EIF3H: variants seen among roughly 807,000 people sequenced by gnomAD.
EIF3H encodes eIF-3-gamma.
In EIF3H, 26 loss-of-function variants were observed where a neutral mutation model predicts 44.2. That is an observed-to-expected ratio of 0.59 (90% CI 0.43 to 0.82). EIF3H has a LOEUF of 0.82. Ranked by LOEUF, EIF3H falls within the 40% of genes least tolerant of loss-of-function variation. The pLI is 0.00. For synonymous variants in EIF3H, 166 were observed against 151.9 expected, an observed-to-expected ratio of 1.09 and a Z score of -0.68; for missense variants, 359 against 432.8, an observed-to-expected ratio of 0.83 and a Z score of 1.51.
chr8:116,732,863 T>C (rs1173175295), intron 1 of EIF3H, among the ~76,000 whole-genome samples: 1 of 152,226 alleles, frequency 6.6e-6, no homozygotes, highest in Admixed American at 6.5e-5. Context: ...GTGTGGGTTC[T>C]TTCTATACCA....
chr8:116,755,831 A>C (rs370527724), upstream of EIF3H: 3 of 1,608,266 alleles, frequency 1.9e-6, no homozygotes, highest in Non-Finnish European at 2.5e-6. Flanking sequence ...GAGAAACGTG[A>C]GTTACCGGAA....
chr8:116,653,501 T>C (rs891851948), intron 5 of EIF3H, among the ~76,000 whole-genome samples: 4 of 152,284 alleles, frequency 2.6e-5, no homozygotes, highest in Non-Finnish European at 2.9e-5. Context: ...CAGGGACTTA[T>C]TGTTAGGAGT....
chr8:116,654,033 A>T (rs539143112), intron 5 of EIF3H, among the ~76,000 whole-genome samples: 45 of 152,350 alleles, frequency 3.0e-4, no homozygotes, highest in African/African-American at 1.1e-3. Context: ...CAGAAATTAA[A>T]AATTGAGATG....
intron 2 of EIF3H, among the ~76,000 whole-genome samples, chr8:116,719,238 G>A (rs1000871742): frequency 6.6e-6 from 1 of 151,990 alleles, no homozygotes. Flanking sequence ...CATAATAATG[G>A]GCCCTTTAAT....
At chr8:116,754,139 A>C (rs1815403132) in intron 1 of EIF3H, among the ~76,000 whole-genome samples, 1 of 151,188 alleles carries the variant, frequency 6.6e-6, no homozygotes, top group Non-Finnish European at 1.5e-5. Context: ...TTTTGGACGG[A>C]GGCTCGCTCT....
intron 2 of EIF3H, among the ~76,000 whole-genome samples, chr8:116,708,315 TTTA>T (rs1352599250): frequency 6.6e-6 from 1 of 151,998 alleles, no homozygotes; most frequent in Non-Finnish European, 1.5e-5. Flanking sequence ...ATTATTATTA[TTTA>T]TTATTACTAT....
At chr8:116,765,058 T>A (rs555816521) in intron 1 of EIF3H, among the ~76,000 whole-genome samples, 1 of 152,320 alleles carries the variant, frequency 6.6e-6, no homozygotes, top group South Asian at 2.1e-4. Context: ...TCTGAGGCTA[T>A]TTAAGAAAAA....
intron 4 of EIF3H, among the ~76,000 whole-genome samples, chr8:116,656,360 G>C (rs1293693882): frequency 6.6e-6 from 1 of 152,102 alleles, no homozygotes; most frequent in East Asian, 1.9e-4. Flanking sequence ...ATTTAAAATA[G>C]CTAGAAATGA....
chr8:116,739,501 T>G (rs928024071), intron 1 of EIF3H, among the ~76,000 whole-genome samples: 1 of 152,078 alleles, frequency 6.6e-6, no homozygotes, highest in Non-Finnish European at 1.5e-5. Context: ...ATACAAAAAA[T>G]TAGCCGGGCG....
chr8:116,660,138 A>G (rs1813561867), intron 2 of EIF3H, among the ~76,000 whole-genome samples: 1 of 152,106 alleles, frequency 6.6e-6, no homozygotes, highest in Non-Finnish European at 1.5e-5. Flanking sequence ...GAATCCACCC[A>G]CCTCGGCCTC....
At chr8:116,747,620 T>G (rs1292752335) in intron 1 of EIF3H, among the ~76,000 whole-genome samples, 1 of 152,290 alleles carries the variant, frequency 6.6e-6, no homozygotes, top group African/African-American at 2.4e-5. Flanking sequence ...TATAATTTTT[T>G]TTGTTGTTAA....
chr8:116,756,356 G>C (rs967288622), upstream of EIF3H, among the ~76,000 whole-genome samples: 1 of 152,174 alleles, frequency 6.6e-6, no homozygotes, highest in Middle Eastern at 3.2e-3. Context: ...TTTGCTATTA[G>C]CTTCATGTAG....
chr8:116,732,106 G>T (rs1026109360), intron 1 of EIF3H, among the ~76,000 whole-genome samples: 10 of 152,082 alleles, frequency 6.6e-5, no homozygotes, highest in African/African-American at 2.4e-4. Context: ...AAATTACCCT[G>T]CAGGGAACAG....
At chr8:116,753,404 T>G (rs774149868) in intron 1 of EIF3H, among the ~76,000 whole-genome samples, 12 of 152,218 alleles carry the variant, frequency 7.9e-5, no homozygotes, top group African/African-American at 2.7e-4. Context: ...CTTCTGATTT[T>G]TTTTATTCGA....
At chr8:116,728,865 CACT>C (rs565299053) in intron 1 of EIF3H, among the ~76,000 whole-genome samples, 359 of 152,242 alleles carry the variant, frequency 2.4e-3, no homozygotes, top group Non-Finnish European at 3.4e-3. Context: ...GCATTACTGA[CACT>C]ACTAAAAATG....
chr8:116,715,175 T>C (rs1814641303), intron 2 of EIF3H, among the ~76,000 whole-genome samples: 1 of 152,100 alleles, frequency 6.6e-6, no homozygotes, highest in Non-Finnish European at 1.5e-5. Context: ...GTTTTGTCAA[T>C]TCATATTTTA....
intron 1 of EIF3H, among the ~76,000 whole-genome samples, chr8:116,742,261 A>G (rs562319259): frequency 1.3e-5 from 2 of 152,308 alleles, no homozygotes; most frequent in Admixed American, 6.5e-5. Context: ...AAATCAACTA[A>G]TAATTGTTGG....
chr8:116,722,239 G>A (rs939780336), intron 2 of EIF3H, among the ~76,000 whole-genome samples: 10 of 152,092 alleles, frequency 6.6e-5, no homozygotes, highest in African/African-American at 2.4e-4. Flanking sequence ...CCCTTCACTT[G>A]GTTCTCATTT....
chr8:116,677,052 G>GA (rs1211089281), intron 2 of EIF3H, among the ~76,000 whole-genome samples: 1 of 152,066 alleles, frequency 6.6e-6, no homozygotes, highest in Non-Finnish European at 1.5e-5. Flanking sequence ...GAATATCAAG[G>GA]AAAGGGGAGA....
Sources: allele counts gnomAD v4.1 joint callset (sites outside exome capture counted in the v4.1 genomes callset), GRCh38; gene constraint gnomAD v4.1.1; transcripts MANE v1.5; gene names NCBI Gene and HGNC (gene_info 2026-07-23, HGNC 2026-07-21).